MTUS2: variants seen among roughly 807,000 people sequenced by gnomAD.
MTUS2 encodes the protein microtubule-associated tumor suppressor candidate 2.
A neutral mutation model predicts 114.1 loss-of-function variants in MTUS2; 40 were observed. The ratio of observed to expected loss-of-function variants is 0.35; its 90% confidence interval spans 0.27 to 0.46. The LOEUF is 0.46. MTUS2 is among the 20% of genes least tolerant of loss of function. MTUS2 has a pLI of 1.00. For missense variants in MTUS2, 1,679 were observed against 1,705.4 expected (o/e 0.98, Z 0.27); for synonymous variants, 688 against 672.0 (o/e 1.02, Z -0.37).
intron 5 of MTUS2, among the ~76,000 whole-genome samples, chr13:29,205,405 GTTTA>G (rs1002998083): frequency 3.5e-5 from 5 of 144,542 alleles, no homozygotes; most frequent in African/African-American, 1.4e-4. Flanking sequence ...TTTCGCTTTT[GTTTA>G]TTTTTTTAAT....
intron 9 of MTUS2, among the ~76,000 whole-genome samples, chr13:29,472,889 G>A (rs1462006197): frequency 1.3e-5 from 2 of 152,122 alleles, no homozygotes; most frequent in African/African-American, 4.8e-5. Context: ...GCTATGAAGG[G>A]ATTACACAAT....
chr13:29,034,635 C>T (rs1012105188), intron 4 of MTUS2, among the ~76,000 whole-genome samples: 1 of 152,096 alleles, frequency 6.6e-6, no homozygotes, highest in African/African-American at 2.4e-5. Context: ...TAGAGAAGTG[C>T]GTTTAGAAAG....
chr13:28,974,772 T>C (rs1007205787), intron 2 of MTUS2, among the ~76,000 whole-genome samples: 3 of 152,234 alleles, frequency 2.0e-5, no homozygotes, highest in African/African-American at 7.2e-5. Flanking sequence ...AAATTTCTGC[T>C]GTGCAAGGCT....
intron 3 of MTUS2, among the ~76,000 whole-genome samples, chr13:29,031,184 A>G (rs141033538): frequency 3.9e-4 from 57 of 148,016 alleles, no homozygotes; most frequent in Admixed American, 1.3e-3. Context: ...GCTGCCACTC[A>G]TCTCTGGGGG....
chr13:29,149,664 A>C (rs529566531), intron 5 of MTUS2, among the ~76,000 whole-genome samples: 1 of 152,284 alleles, frequency 6.6e-6, no homozygotes, highest in African/African-American at 2.4e-5. Context: ...TTTTACATTT[A>C]AGTCTTTAAT....
chr13:29,202,630 T>A (rs1895007597), intron 5 of MTUS2, among the ~76,000 whole-genome samples: 6 of 152,240 alleles, frequency 3.9e-5, no homozygotes. Flanking sequence ...TGGTTTTTCC[T>A]CATCTTCATG....
At chr13:28,883,427 A>G (rs1156565839) in intron 2 of MTUS2, among the ~76,000 whole-genome samples, 1 of 152,236 alleles carries the variant, frequency 6.6e-6, no homozygotes, top group African/African-American at 2.4e-5. Flanking sequence ...TGGATAAACA[A>G]CTGTGATACA....
intron 2 of MTUS2, among the ~76,000 whole-genome samples, chr13:28,866,449 T>A (rs1027694077): frequency 4.6e-5 from 7 of 152,176 alleles, no homozygotes; most frequent in Admixed American, 1.3e-4. Flanking sequence ...CTTCTTGTTG[T>A]GTGGTCTTTG....
At chr13:29,178,338 C>T (rs888020921) in intron 5 of MTUS2, among the ~76,000 whole-genome samples, 1 of 151,282 alleles carries the variant, frequency 6.6e-6, no homozygotes, top group African/African-American at 2.4e-5. Context: ...TTTTTTTCTC[C>T]CCAGATTTAA....
intron 2 of MTUS2, among the ~76,000 whole-genome samples, chr13:28,855,267 A>G (rs1876550590): frequency 6.6e-6 from 1 of 151,948 alleles, no homozygotes. Flanking sequence ...TTTTAAATTA[A>G]ATTAAATTTT....
At chr13:29,218,424 T>C (rs1356609383) in intron 5 of MTUS2, among the ~76,000 whole-genome samples, 1 of 152,218 alleles carries the variant, frequency 6.6e-6, no homozygotes, top group South Asian at 2.1e-4. Flanking sequence ...CAAACTGCTG[T>C]TAATTTGAAT....
At chr13:29,497,751 C>T (rs909838028) in intron 13 of MTUS2, 1 of 191,618 alleles carries the variant, frequency 5.2e-6, no homozygotes, top group African/African-American at 2.3e-5. Context: ...TGGCAAAACT[C>T]CTTCCCTCTA....
chr13:29,119,143 C>T (rs1891206232), intron 5 of MTUS2, among the ~76,000 whole-genome samples: 1 of 152,054 alleles, frequency 6.6e-6, no homozygotes, highest in Admixed American at 6.6e-5. Flanking sequence ...AAAACATACA[C>T]ATATTGCATT....
intron 2 of MTUS2, among the ~76,000 whole-genome samples, chr13:28,926,231 A>G (rs530645976): frequency 1.9e-4 from 29 of 152,208 alleles, no homozygotes; most frequent in Non-Finnish European, 3.7e-4. Context: ...GTGTTGGGTA[A>G]TTTTGTTGTA....
At chr13:29,297,702 T>C (rs933327009) in intron 6 of MTUS2, among the ~76,000 whole-genome samples, 1 of 152,204 alleles carries the variant, frequency 6.6e-6, no homozygotes, top group African/African-American at 2.4e-5. Flanking sequence ...CTTGTCCCTC[T>C]TAGGGGTTTC....
At chr13:28,917,293 T>C (rs1029996646) in intron 2 of MTUS2, among the ~76,000 whole-genome samples, 1 of 151,872 alleles carries the variant, frequency 6.6e-6, no homozygotes, top group Admixed American at 6.6e-5. Context: ...AATTTGGAAG[T>C]GTCCTCTTAT....
chr13:29,010,953 C>T (rs191622914), intron 2 of MTUS2, among the ~76,000 whole-genome samples: 84 of 152,228 alleles, frequency 5.5e-4, no homozygotes, highest in African/African-American at 2.0e-3. Context: ...AGGAGCCTCC[C>T]TGGAAGCTGT....
At chr13:28,831,877 C>T (rs1874707541) in intron 1 of MTUS2, among the ~76,000 whole-genome samples, 1 of 152,118 alleles carries the variant, frequency 6.6e-6, no homozygotes, top group African/African-American at 2.4e-5. Context: ...TTGCCTCAGC[C>T]TCCCAAGTAG....
intron 2 of MTUS2, among the ~76,000 whole-genome samples, chr13:28,892,719 G>A (rs1879006663): frequency 6.6e-6 from 1 of 151,958 alleles, no homozygotes. Context: ...CCTGATTTCT[G>A]TAAGAATCTA....
Sources: gnomAD v4.1 joint callset for allele counts (sites outside exome capture counted in the v4.1 genomes callset) on GRCh38, gnomAD v4.1.1 for gene constraint, MANE v1.5 for transcripts, NCBI Gene and HGNC (gene_info 2026-07-23, HGNC 2026-07-21) for gene names.